Variants in C1orf105 observed in about 807,000 individuals in gnomAD.
C1orf105 encodes the protein chromosome 1 open reading frame 105, also known as uncharacterized protein C1orf105.
C1orf105 carries 17 observed loss-of-function variants against 20.8 expected under a neutral mutation model. The ratio of observed to expected loss-of-function variants is 0.82; its 90% CI spans 0.56 to 1.23. The LOEUF (loss-of-function observed/expected upper bound fraction) is 1.23. C1orf105 is among the 50% of genes most tolerant of loss of function. C1orf105 has a pLI of 0.00. For synonymous variants in C1orf105, 72 were observed against 72.1 expected (o/e 1.00, Z 0.01); for missense variants, 219 against 213.5 (o/e 1.03, Z -0.16).
intron 3 of C1orf105, chr1:172,452,829 C>T (rs1163509133): frequency 1.4e-6 from 2 of 1,405,938 alleles, no homozygotes; most frequent in African/African-American, 2.9e-5. Context: ...AATGAGGGCC[C>T]CATTAACATT....
At chr1:172,445,212 GA>G in intron 2 of C1orf105, 54 bp downstream of exon 2, 3 of 1,402,758 alleles carry the variant, frequency 2.1e-6, no homozygotes, top group Middle Eastern at 1.8e-4. Flanking sequence ...CACAGAAGAT[GA>G]TTTCTTCTTA....
chr1:172,465,807 G>A (rs1351815425), intron 6 of C1orf105: 3 of 392,032 alleles, frequency 7.7e-6, no homozygotes, highest in East Asian at 1.4e-4. Flanking sequence ...CCCAGCAGCT[G>A]CCTGTGCTAT....
intron 1 of C1orf105, among the ~76,000 whole-genome samples, chr1:172,428,026 A>C (rs2071768076): frequency 6.6e-6 from 1 of 152,106 alleles, no homozygotes; most frequent in Non-Finnish European, 1.5e-5. Context: ...CTTCCTCCCC[A>C]AAATCTCCAG....
At chr1:172,443,798 G>C (rs748888315) in intron 1 of C1orf105, 3 of 241,420 alleles carry the variant, frequency 1.2e-5, no homozygotes, top group Non-Finnish European at 2.2e-5. Context: ...CGCCCGCAGA[G>C]TGGGGCTGGG....
At chr1:172,434,127 A>C (rs2071960621) in intron 1 of C1orf105, among the ~76,000 whole-genome samples, 1 of 152,200 alleles carries the variant, frequency 6.6e-6, no homozygotes, top group African/African-American at 2.4e-5. Flanking sequence ...ACCTACAAAG[A>C]GGCTTAGACT....
At chr1:172,434,068 T>C (rs1365559426) in intron 1 of C1orf105, among the ~76,000 whole-genome samples, 2 of 152,172 alleles carry the variant, frequency 1.3e-5, no homozygotes, top group African/African-American at 2.4e-5. Flanking sequence ...CCTAAATATA[T>C]ATGCACCCAA....
At position 172,468,654 on chromosome 1, in the gene C1orf105, C is replaced by G; in HGVS notation, c.*60C>G. On this transcript the variant is annotated 3_prime_UTR_variant, in exon 7 of 7. Transcript: ENST00000367727. Reference sequence around the variant, plus strand: ...GAGAAAATAACCTCGCCAAGCCAATCTTTGACACTGGCACCTTCTCCTCAC... The same window carrying G: ...GAGAAAATAACCTCGCCAAGCCAATGTTTGACACTGGCACCTTCTCCTCAC... 3 of 1,526,114 alleles carry G rather than the reference C, an allele frequency of 2.0e-6. No homozygotes were observed. Among genetic ancestry groups the G allele is most frequent in the Non-Finnish European group, 2.7e-6 (3 of 1,122,858 alleles). 94.5% of individuals were successfully genotyped at this position (1,526,114 alleles called of 1,614,324 possible).
chr1:172,453,214 T>C (rs1648859004), intron 3 of C1orf105: 2 of 1,547,770 alleles, frequency 1.3e-6, no homozygotes, highest in African/African-American at 2.7e-5. Context: ...AGATCAAAGA[T>C]TGCTTTTTAC....
intron 1 of C1orf105, among the ~76,000 whole-genome samples, chr1:172,430,621 G>A (rs2071844481): frequency 6.6e-6 from 1 of 151,944 alleles, no homozygotes; most frequent in Non-Finnish European, 1.5e-5. Flanking sequence ...TAAATTTTTT[G>A]TAGAGACAGA....
intron 1 of C1orf105, chr1:172,444,386 T>G (rs4916258): frequency 0.53 from 418,353 of 783,076 alleles, 117,323 homozygotes; most frequent in East Asian, 0.66. Flanking sequence ...CAGCTGGGAC[T>G]TCCCGTGCAT....
intron 1 of C1orf105, chr1:172,442,610 G>A: frequency 1.9e-6 from 3 of 1,612,294 alleles, no homozygotes; most frequent in East Asian, 2.2e-5. Flanking sequence ...TTAGTCACAG[G>A]TTGAGCATAC....
intron 3 of C1orf105, among the ~76,000 whole-genome samples, chr1:172,456,069 C>A (rs535232143): frequency 9.9e-5 from 15 of 152,210 alleles, no homozygotes; most frequent in Admixed American, 2.0e-4. Context: ...AGAATGCAAC[C>A]CCTCAGACAC....
intron 6 of C1orf105, 82 bp downstream of exon 6, chr1:172,465,445 A>G: frequency 9.8e-7 from 1 of 1,016,236 alleles, no homozygotes; most frequent in South Asian, 1.3e-5. Flanking sequence ...CCCTAAAATA[A>G]TTTCTAAATT....
At chr1:172,450,489 T>C (rs1353569287) in intron 3 of C1orf105, among the ~76,000 whole-genome samples, 1 of 152,212 alleles carries the variant, frequency 6.6e-6, no homozygotes, top group Admixed American at 6.5e-5. Flanking sequence ...AGCTGCTCCC[T>C]TCTGGAAAGA....
intron 1 of C1orf105, chr1:172,442,688 T>C: frequency 7.1e-7 from 1 of 1,400,088 alleles, no homozygotes; most frequent in Non-Finnish European, 9.9e-7. Context: ...TGGTTCTTGT[T>C]CTTTATGAAG....
intron 3 of C1orf105, among the ~76,000 whole-genome samples, chr1:172,455,208 A>G (rs533967196): frequency 3.9e-5 from 6 of 152,162 alleles, no homozygotes; most frequent in Non-Finnish European, 8.8e-5. Context: ...TTAGCCCTCA[A>G]ACCCCCCATG....
chr1:172,428,689 T>C, intron 1 of C1orf105: 1 of 591,284 alleles, frequency 1.7e-6, no homozygotes, highest in Non-Finnish European at 3.0e-6. Context: ...ACTTTTTTCT[T>C]TTTTCCATAG....
At chr1:172,438,300 T>C (rs2072107912) in intron 1 of C1orf105, among the ~76,000 whole-genome samples, 1 of 152,220 alleles carries the variant, frequency 6.6e-6, no homozygotes, top group South Asian at 2.1e-4. Flanking sequence ...ATTCCTCTGA[T>C]GGATCTAGGC....
At chr1:172,438,358 G>T (rs1040438360) in intron 1 of C1orf105, among the ~76,000 whole-genome samples, 1 of 152,148 alleles carries the variant, frequency 6.6e-6, no homozygotes, top group Non-Finnish European at 1.5e-5. Flanking sequence ...TCAAAATATC[G>T]ACATTAATAG....
Sources: gnomAD v4.1 joint callset for allele counts (sites outside exome capture counted in the v4.1 genomes callset) on GRCh38, gnomAD v4.1.1 for gene constraint, MANE v1.5 for transcripts, NCBI Gene and HGNC (gene_info 2026-07-23, HGNC 2026-07-21) for gene names.